The following ZFPM1 variants were observed in gnomAD, a reference collection of about 807,000 sequenced individuals.
ZFPM1 encodes zinc finger protein, FOG family member 1.
A neutral mutation model predicts 46.3 loss-of-function variants in ZFPM1; 28 were observed. The ratio of observed to expected loss-of-function variants is 0.60; its 90% CI spans 0.45 to 0.83. ZFPM1 has a LOEUF of 0.83. Ranked by LOEUF, ZFPM1 falls within the 40% of genes least tolerant of loss-of-function variation. The pLI is 0.00. For synonymous variants in ZFPM1, 957 were observed against 675.9 expected (o/e 1.42, Z -6.45); for missense variants, 1,878 against 1,432.4 (o/e 1.31, Z -5.02).
intron 3 of ZFPM1, among the ~76,000 whole-genome samples, chr16:88,494,896 A>C (rs1909848363): frequency 6.6e-6 from 1 of 152,134 alleles, no homozygotes; most frequent in South Asian, 2.1e-4. Context: ...CCCGGATGCG[A>C]AGGGAAGGAT....
Position 88,536,685 on chromosome 16 carries a change from G to A in ZFPM1, c.*1706G>A, listed in dbSNP as rs1472785927. On this transcript the variant is annotated 3_prime_UTR_variant, in exon 10 of 10. Transcript: ENST00000319555. ...TGTCTTTGTCCACCTGCCCACTAGG[G>A]TCTGGCCAGATGGGGCCCGTAGCCA... The A allele has an allele frequency of 2.0e-5, 3 of 152,304 alleles. No homozygotes were observed. Among genetic ancestry groups the A allele is most frequent in the Non-Finnish European group, 4.4e-5 (3 of 68,098 alleles). The allele number at this position is 152,304 out of a possible 1,614,324, so 9.4% of individuals were successfully genotyped here. A position where few individuals can be genotyped will look rare whatever the true frequency, so the allele number is the denominator to read the frequency against.
chr16:88,485,927 T>C lies in ZFPM1; in HGVS notation c.41-12T>C. ...GAGCTCCTCCCGAACCCCCATCGTC[T>C]TGTGTCCACAGGTTCCCTCGGAGAC... On this transcript the variant is annotated splice_polypyrimidine_tract_variant and intron_variant, in intron 1 of 9. Transcript: ENST00000319555. 1 of 1,612,360 alleles carries C rather than the reference T, an allele frequency of 6.2e-7. No individual in the cohort carries two copies. Among genetic ancestry groups the C allele is most frequent in the South Asian group, 1.1e-5 (1 of 91,048 alleles).
At chr16:88,468,713 G>T (rs1271568492) in intron 1 of ZFPM1, among the ~76,000 whole-genome samples, 1 of 151,976 alleles carries the variant, frequency 6.6e-6, no homozygotes, top group Non-Finnish European at 1.5e-5. Flanking sequence ...CCATGGCCAG[G>T]GCACCACTGT....
Position 88,535,075 on chromosome 16 carries a change from C to T in ZFPM1, c.*96C>T, listed in dbSNP as rs1466719121. The T allele has an allele frequency of 7.6e-6, 10 of 1,322,540 alleles. No individual in the cohort carries two copies. In the African/African-American group the frequency reaches 1.2e-4, roughly 16 times the overall value. 81.9% of individuals were successfully genotyped at this position (1,322,540 alleles called of 1,614,324 possible). ...GCACGGACTGCCGCTCCTGGGAACC[C>T]CGCCACGCACAGGCCTCGGCGGAGG... is the stretch of plus-strand genomic sequence containing the variant. On this transcript the variant is annotated 3_prime_UTR_variant, in exon 10 of 10. Coordinates refer to ENST00000319555, the MANE Select transcript of ZFPM1 (RefSeq NM_153813.3).
chr16:88,505,238 G>T (rs566290151), intron 3 of ZFPM1, among the ~76,000 whole-genome samples: 1 of 152,174 alleles, frequency 6.6e-6, no homozygotes, highest in African/African-American at 2.4e-5. Flanking sequence ...CCAAGCCATG[G>T]CCCCTGAGCC....
intron 2 of ZFPM1, among the ~76,000 whole-genome samples, chr16:88,486,565 A>AAGTGGGTGCTGGGTG: frequency 1.5e-5 from 2 of 133,450 alleles, no homozygotes; most frequent in Middle Eastern, 5.4e-3. Flanking sequence ...GGTGCTGGGT[A>AAGTGGGTGCTGGGTG]CACAGTGGGT....
At chr16:88,533,051 T>TGA in intron 9 of ZFPM1, 97 bp from the exon 10 acceptor site, 5 of 1,351,616 alleles carry the variant, frequency 3.7e-6, no homozygotes, top group South Asian at 1.4e-5. Context: ...TCTAAACCAC[T>TGA]CCCGCCCACC....
rs535071384 is a variant in ZFPM1, at chr16:88,468,252, G to C, written c.40+14574G>C. Among the ~76,000 whole-genome samples, 486 of 139,446 alleles carry C rather than the reference G, an allele frequency of 3.5e-3. 7 individuals carry two copies. The highest frequency in any genetic ancestry group is 0.012 in the African/African-American group (452 of 36,212). 91.5% of individuals were successfully genotyped at this position (139,446 alleles called of 152,430 possible). A position where few individuals can be genotyped will look rare whatever the true frequency, so the allele number is the denominator to read the frequency against. ...CAAGCACCCGCGAGCCCACCGTCCC[G>C]ACGCACCCGCGAGCCCACTGCCTGC... On this transcript the variant is annotated intron_variant, in intron 1 of 9. Transcript: ENST00000319555.
intron 1 of ZFPM1, among the ~76,000 whole-genome samples, chr16:88,455,228 G>C (rs1408097201): frequency 1.3e-5 from 2 of 151,958 alleles, no homozygotes; most frequent in African/African-American, 4.8e-5. Flanking sequence ...TCGCAGGTTG[G>C]AAACCGATCT....
intron 1 of ZFPM1, among the ~76,000 whole-genome samples, chr16:88,474,959 C>T (rs1209763684): frequency 1.3e-5 from 2 of 152,256 alleles, no homozygotes; most frequent in East Asian, 3.8e-4. Flanking sequence ...AGCCAGTCGC[C>T]AGCTAGATTC....
At position 88,535,795 on chromosome 16, in the gene ZFPM1, C is replaced by T. The variant is rs145723227; in HGVS notation, c.*816C>T. 2.4e-3 allele frequency: 367 copies of T among 152,796 alleles called. 1 individual carries two copies. The highest frequency in any genetic ancestry group is 5.8e-3 in the South Asian group (28 of 4,840). The allele number at this position is 152,796 out of a possible 1,614,324, so 9.5% of individuals were successfully genotyped here. A position where few individuals can be genotyped will look rare whatever the true frequency, so the allele number is the denominator to read the frequency against. ...CAAGGGTCAGGGCACCCCCACCCCC[C>T]GTCTTCCCTGCCCTGCTGGGCTGTA... On this transcript the variant is annotated 3_prime_UTR_variant, in exon 10 of 10. Coordinates refer to ENST00000319555, the MANE Select transcript of ZFPM1 (RefSeq NM_153813.3).
chr16:88,469,269 C>G lies in ZFPM1; in HGVS notation c.40+15591C>G, dbSNP rs1029050269. Among the ~76,000 whole-genome samples, 2 of 152,222 alleles carry G rather than the reference C, an allele frequency of 1.3e-5. 1 individual carries two copies. The highest frequency in any genetic ancestry group is 4.1e-4 in the South Asian group (2 of 4,836). On this transcript the variant is annotated intron_variant, in intron 1 of 9. Transcript: ENST00000319555. The surrounding 1 kb of genome is among the most constrained non-coding windows in gnomAD (Gnocchi z 4.3). ...TGCCGGCCGGGCCAGGGACGTGGCACCATCTTAATGAATGACAGTCCCAAC... is the reference window on the plus strand; with the variant it reads ...TGCCGGCCGGGCCAGGGACGTGGCAGCATCTTAATGAATGACAGTCCCAAC...
At chr16:88,473,358 C>T (rs1033677928) in intron 1 of ZFPM1, among the ~76,000 whole-genome samples, 7 of 152,254 alleles carry the variant, frequency 4.6e-5, no homozygotes, top group African/African-American at 1.7e-4. Context: ...CACCCACCGA[C>T]CCTCAGGCCT....
At chr16:88,498,674 A>C (rs1910079200) in intron 3 of ZFPM1, among the ~76,000 whole-genome samples, 1 of 152,188 alleles carries the variant, frequency 6.6e-6, no homozygotes, top group Non-Finnish European at 1.5e-5. Context: ...TCCCAGGCCG[A>C]GGGCGCAGTC....
chr16:88,466,272 C>T (rs1256785157), intron 1 of ZFPM1, among the ~76,000 whole-genome samples: 4 of 152,204 alleles, frequency 2.6e-5, no homozygotes, highest in South Asian at 4.1e-4. Flanking sequence ...TACCCAGCCC[C>T]GGCAGTTCTG....
intron 3 of ZFPM1, among the ~76,000 whole-genome samples, chr16:88,501,968 C>T (rs1268311867): frequency 6.6e-6 from 1 of 152,138 alleles, no homozygotes; most frequent in Admixed American, 6.5e-5. Context: ...GCCGGTGAGC[C>T]CTGACCTCCT....
upstream of ZFPM1, chr16:88,453,247 C>A (rs1476518120): frequency 6.8e-6 from 1 of 146,938 alleles, no homozygotes; most frequent in African/African-American, 2.4e-5. Flanking sequence ...CGGCGGCCGA[C>A]GACGCTCAGG....
At chr16:88,466,339 A>T (rs1460158086) in intron 1 of ZFPM1, among the ~76,000 whole-genome samples, 1 of 152,154 alleles carries the variant, frequency 6.6e-6, no homozygotes, top group East Asian at 1.9e-4. Flanking sequence ...CTCCTCAGAG[A>T]ACTGAAGGCT....
At chr16:88,475,776 C>T (rs1288208540) in intron 1 of ZFPM1, among the ~76,000 whole-genome samples, 1 of 152,184 alleles carries the variant, frequency 6.6e-6, no homozygotes, top group Non-Finnish European at 1.5e-5. Flanking sequence ...TAGGGAGGGG[C>T]TGGGCTCAGA....
Sources: gnomAD v4.1 joint callset for allele counts (sites outside exome capture counted in the v4.1 genomes callset) on GRCh38, gnomAD v4.1.1 for gene constraint, Gnocchi (gnomAD v3.1) non-coding constraint, MANE v1.5 for transcripts, NCBI Gene and HGNC (gene_info 2026-07-23, HGNC 2026-07-21) for gene names.